Variants in ZNF385D observed in about 807,000 individuals in gnomAD.
ZNF385D encodes zinc finger protein 385D.
In ZNF385D, 15 loss-of-function variants were observed where a neutral mutation model predicts 35.8. The observed-to-expected ratio is 0.42, with a 90% CI of 0.28 to 0.64. The LOEUF is 0.64. ZNF385D is among the 30% of genes least tolerant of loss of function. ZNF385D has a pLI of 0.23. For synonymous variants in ZNF385D, 212 were observed against 186.8 expected (o/e 1.13, Z -1.10); for missense variants, 474 against 494.6 (o/e 0.96, Z 0.39).
At chr3:22,033,183 C>A (rs1011532028) in intron 3 of ZNF385D, among the ~76,000 whole-genome samples, 3 of 152,016 alleles carry the variant, frequency 2.0e-5, no homozygotes, top group Non-Finnish European at 2.9e-5. Flanking sequence ...AGGTCGATAG[C>A]TTGAGCTCAG....
intron 3 of ZNF385D, among the ~76,000 whole-genome samples, chr3:21,986,799 G>A (rs1694829269): frequency 2.0e-5 from 2 of 99,034 alleles, no homozygotes; most frequent in Non-Finnish European, 3.7e-5. Context: ...ATGTGTGGGA[G>A]TCTAAGTCTC....
intron 3 of ZNF385D, among the ~76,000 whole-genome samples, chr3:22,155,061 G>A (rs1479146451): frequency 6.6e-6 from 1 of 152,124 alleles, no homozygotes; most frequent in Non-Finnish European, 1.5e-5. Flanking sequence ...TTGATCTTAT[G>A]TGAAGGACAA....
intron 2 of ZNF385D, among the ~76,000 whole-genome samples, chr3:22,183,035 A>T (rs1695389786): frequency 6.6e-6 from 1 of 152,168 alleles, no homozygotes; most frequent in Admixed American, 6.6e-5. Context: ...CTTAGACCTG[A>T]AAAGGAGGCA....
intron 3 of ZNF385D, among the ~76,000 whole-genome samples, chr3:21,789,057 A>T (rs1356356700): frequency 1.3e-5 from 2 of 152,240 alleles, no homozygotes; most frequent in African/African-American, 4.8e-5. Flanking sequence ...AAGAAAAAAA[A>T]ATTAAGACAA....
chr3:21,574,408 A>G (rs978788667), intron 2 of ZNF385D, among the ~76,000 whole-genome samples: 6 of 152,182 alleles, frequency 3.9e-5, no homozygotes, highest in Admixed American at 1.3e-4. Context: ...CCTATAACTA[A>G]AGATACCTCA....
intron 3 of ZNF385D, among the ~76,000 whole-genome samples, chr3:21,819,450 C>CA (rs145105493): frequency 0.087 from 13,080 of 149,924 alleles, 631 homozygotes; most frequent in Middle Eastern, 0.11. Flanking sequence ...CTGACTATTA[C>CA]AAAAAAAATC....
At chr3:21,452,469 A>G (rs763640642) in intron 4 of ZNF385D, among the ~76,000 whole-genome samples, 1 of 152,066 alleles carries the variant, frequency 6.6e-6, no homozygotes, top group African/African-American at 2.4e-5. Context: ...AGATTAGAGA[A>G]GCAGAAGTAA....
At chr3:22,073,929 T>C (rs565153726) in intron 3 of ZNF385D, among the ~76,000 whole-genome samples, 1 of 151,996 alleles carries the variant, frequency 6.6e-6, no homozygotes, top group Admixed American at 6.6e-5. Context: ...GGGCAGTTTA[T>C]CTTCATGTAT....
chr3:21,711,940 T>G (rs1179815640), intron 1 of ZNF385D, among the ~76,000 whole-genome samples: 1 of 152,190 alleles, frequency 6.6e-6, no homozygotes, highest in Non-Finnish European at 1.5e-5. Context: ...AAACACACAA[T>G]TATGTAAATG....
At chr3:22,065,628 G>C (rs1261605452) in intron 3 of ZNF385D, among the ~76,000 whole-genome samples, 1 of 152,102 alleles carries the variant, frequency 6.6e-6, no homozygotes, top group Non-Finnish European at 1.5e-5. Context: ...TGAGTGTGTG[G>C]AGCTCGCAAG....
intron 3 of ZNF385D, among the ~76,000 whole-genome samples, chr3:22,067,494 A>G (rs1170150263): frequency 6.6e-6 from 1 of 152,216 alleles, no homozygotes; most frequent in Non-Finnish European, 1.5e-5. Context: ...CAGCTTCAGA[A>G]AAGGCTTAGA....
chr3:21,595,212 G>T (rs1397992354), intron 2 of ZNF385D, among the ~76,000 whole-genome samples: 3 of 151,980 alleles, frequency 2.0e-5, no homozygotes, highest in African/African-American at 7.2e-5. Flanking sequence ...GTTCTTTGTT[G>T]TTCAAGATCC....
chr3:22,016,806 C>T (rs1357003296), intron 3 of ZNF385D, among the ~76,000 whole-genome samples: 2 of 152,002 alleles, frequency 1.3e-5, no homozygotes, highest in Non-Finnish European at 2.9e-5. Flanking sequence ...TCTATCCTGA[C>T]ATCCATCCTT....
intron 2 of ZNF385D, among the ~76,000 whole-genome samples, chr3:21,611,186 G>T (rs2064666063): frequency 6.6e-6 from 1 of 152,186 alleles, no homozygotes; most frequent in Non-Finnish European, 1.5e-5. Context: ...CACAGGTCCT[G>T]CCCATGTTGA....
intron 2 of ZNF385D, among the ~76,000 whole-genome samples, chr3:22,238,908 G>A (rs1288736558): frequency 6.7e-6 from 1 of 149,656 alleles, no homozygotes; most frequent in Non-Finnish European, 1.5e-5. Flanking sequence ...TTTTTCTTTT[G>A]CAGAGACAGG....
rs114012384 is a variant in ZNF385D, at chr3:21,680,959, C to T, written c.23-15931G>A. On this transcript the variant is annotated intron_variant, in intron 1 of 7. Coordinates refer to ENST00000281523, the MANE Select transcript of ZNF385D (RefSeq NM_024697.3). The stretch of plus-strand genomic sequence containing the variant: ...CAATGTTACACACACAGCCTTTCAA[C>T]GGCTGCTGCCACAAGGCAGGGAGAT... Among the ~76,000 whole-genome samples the T allele has an allele frequency of 3.3e-3, 509 of 152,252 alleles. 4 individuals are homozygous for T. The highest frequency in any genetic ancestry group is 0.012 in the African/African-American group (498 of 41,576).
At chr3:21,751,379 A>ATGGT, upstream of ZNF385D, 1 of 1,039,626 alleles carries the variant, frequency 9.6e-7, no homozygotes, top group Admixed American at 5.3e-5. Context: ...AGGCTCTCTT[A>ATGGT]AAGCGAGAAG....
At chr3:21,675,300 A>G (rs1222497879) in intron 1 of ZNF385D, among the ~76,000 whole-genome samples, 1 of 151,642 alleles carries the variant, frequency 6.6e-6, no homozygotes, top group Non-Finnish European at 1.5e-5. Flanking sequence ...TTAGGTGTAA[A>G]TTTATGCTAT....
intron 3 of ZNF385D, among the ~76,000 whole-genome samples, chr3:21,965,279 G>A (rs1042180430): frequency 6.6e-6 from 1 of 152,106 alleles, no homozygotes; most frequent in African/African-American, 2.4e-5. Flanking sequence ...TAAATAATAT[G>A]CATCAAATGA....
Sources: gnomAD v4.1 joint callset for allele counts (sites outside exome capture counted in the v4.1 genomes callset) on GRCh38, gnomAD v4.1.1 for gene constraint, MANE v1.5 for transcripts, NCBI Gene and HGNC (gene_info 2026-07-23, HGNC 2026-07-21) for gene names.